The following EIF3A variants were observed in gnomAD, a reference collection of about 807,000 sequenced individuals.
The protein encoded by EIF3A is EIF3, p180 subunit.
Under a neutral mutation model 186.6 loss-of-function variants are expected in EIF3A, and 21 were observed. That is an observed-to-expected ratio of 0.11 (90% CI 0.08 to 0.16). EIF3A has a LOEUF of 0.16. Ranked by LOEUF, EIF3A falls within the 10% of genes least tolerant of loss-of-function variation. The pLI, the probability that EIF3A is intolerant of heterozygous loss-of-function variation, is 1.00. For synonymous variants in EIF3A, 563 were observed against 584.3 expected (o/e 0.96, Z 0.52); for missense variants, 1,306 against 1,796.3 (o/e 0.73, Z 4.93).
chr10:119,075,396 A>G (rs1314521893), intron 1 of EIF3A, among the ~76,000 whole-genome samples: 1 of 151,900 alleles, frequency 6.6e-6, no homozygotes, highest in Non-Finnish European at 1.5e-5. Context: ...TACCTTTGCC[A>G]TTACATTATT....
rs1848342602 is a variant in EIF3A, at chr10:119,050,516, T to G, written c.2473+5A>C. On this transcript the variant is annotated splice_donor_5th_base_variant and intron_variant, in intron 16 of 21. Transcript: ENST00000369144. Reference sequence around the variant, plus strand: ...CACCCCTCCAATCCTGTTTGACCTGTGTACCTTTTAGCATTTGTTCTTCTG... The same window carrying G: ...CACCCCTCCAATCCTGTTTGACCTGGGTACCTTTTAGCATTTGTTCTTCTG... 2 of 1,613,748 alleles carry G rather than the reference T, an allele frequency of 1.2e-6. No individual in the cohort carries two copies. Among genetic ancestry groups the G allele is most frequent in the Non-Finnish European group, 1.7e-6 (2 of 1,179,782 alleles).
At chr10:119,072,198 AAAAT>A (rs1365207723) in intron 4 of EIF3A, among the ~76,000 whole-genome samples, 35 of 147,622 alleles carry the variant, frequency 2.4e-4, no homozygotes, top group African/African-American at 8.3e-4. Flanking sequence ...TTAAAAACTA[AAAAT>A]AAATTAAAAA....
chr10:119,059,834 G>A (rs901800655), intron 9 of EIF3A, 116 bp from the exon 10 acceptor site: 34 of 727,224 alleles, frequency 4.7e-5, no homozygotes, highest in Non-Finnish European at 8.1e-5. Context: ...TATGTTAGCA[G>A]TACATTGTTA....
At chr10:119,076,540 T>C (rs1844177038) in intron 1 of EIF3A, among the ~76,000 whole-genome samples, 1 of 148,486 alleles carries the variant, frequency 6.7e-6, no homozygotes, top group Admixed American at 6.8e-5. Flanking sequence ...CTAGATATTT[T>C]GTTGAAATAA....
intron 6 of EIF3A, among the ~76,000 whole-genome samples, chr10:119,065,850 C>T (rs1488471856): frequency 9.9e-5 from 15 of 152,250 alleles, no homozygotes; most frequent in South Asian, 8.3e-4. Flanking sequence ...GGCGCGGTGG[C>T]TCACGCCTGT....
intron 9 of EIF3A, among the ~76,000 whole-genome samples, chr10:119,060,319 C>A (rs187551326): frequency 6.8e-4 from 103 of 152,244 alleles, no homozygotes; most frequent in Non-Finnish European, 1.0e-3. Context: ...AGCTTTAAAT[C>A]CATAAACCCT....
At chr10:119,051,355 C>A in intron 14 of EIF3A, 34 bp from the exon 15 acceptor site, 1 of 1,361,326 alleles carries the variant, frequency 7.3e-7, no homozygotes, top group Non-Finnish European at 9.9e-7. Context: ...TTTCAATGCA[C>A]TTTTTTTTTT....
chr10:119,039,309 G>A (rs149652498), intron 19 of EIF3A, among the ~76,000 whole-genome samples: 2 of 152,198 alleles, frequency 1.3e-5, no homozygotes, highest in South Asian at 4.2e-4. Flanking sequence ...TTTATATACA[G>A]TACATATAGA....
At chr10:119,046,568 A>T (rs750384593) in intron 17 of EIF3A, among the ~76,000 whole-genome samples, 1 of 152,242 alleles carries the variant, frequency 6.6e-6, no homozygotes, top group African/African-American at 2.4e-5. Flanking sequence ...ACTGCAATAA[A>T]ATATAAGTTA....
rs139575885 is a variant in EIF3A at position 119,057,279 on chromosome 10, G to A, written c.1978-239C>T. Among the ~76,000 whole-genome samples, 541 of 152,176 alleles carry A rather than the reference G, an allele frequency of 3.6e-3. 1 individual carries two copies. The highest frequency in any genetic ancestry group is 0.014 in the Middle Eastern group (4 of 294). On this transcript the variant is annotated intron_variant, in intron 12 of 21. Coordinates refer to ENST00000369144, the MANE Select transcript of EIF3A (RefSeq NM_003750.4). ...ATCTACCCAGACTCTACTAAATAGG[G>A]TAAGCAAACCTAATCCAAAAACCCA...
chr10:119,060,818 A>G lies in EIF3A; in HGVS notation c.1254T>C (p.Pro418=). The G allele has an allele frequency of 1.2e-6, 2 of 1,611,816 alleles. No individual in the cohort carries two copies. The highest frequency in any genetic ancestry group is 1.1e-5 in the South Asian group (1 of 90,646). Reference sequence around the variant, plus strand: ...ACTGCTGCAATTCCGGTTCCTTTTCAGGTTGTTCCCTAACCCAATTTAGAA... The same window carrying G: ...ACTGCTGCAATTCCGGTTCCTTTTCGGGTTGTTCCCTAACCCAATTTAGAA... The part of the protein sequence containing the change: ...TKVLNWVREQ[P]EKEPELQQYV... The change falls in exon 9 of 22, where the codon CCT becomes CCC. Residue 418 remains proline (P), a synonymous_variant. Coordinates refer to ENST00000369144, the MANE Select transcript of EIF3A (RefSeq NM_003750.4).
At chr10:119,080,549 C>G (rs1193996044) in intron 1 of EIF3A, 79 bp downstream of exon 1, 22 of 1,489,128 alleles carry the variant, frequency 1.5e-5, no homozygotes, top group Admixed American at 2.5e-5. Flanking sequence ...GGCGGCGGAG[C>G]AGTGGGAAGC....
intron 4 of EIF3A, 98 bp downstream of exon 4, chr10:119,072,792 A>G (rs574427172): frequency 9.3e-6 from 13 of 1,405,178 alleles, no homozygotes; most frequent in African/African-American, 1.4e-5. Context: ...CAACATTTCA[A>G]TAAGGATAAA....
At chr10:119,041,889 A>G in intron 19 of EIF3A, 105 bp downstream of exon 19, 1 of 1,247,146 alleles carries the variant, frequency 8.0e-7, no homozygotes, top group Non-Finnish European at 1.1e-6. Context: ...GAAAGATGAA[A>G]GACCAGTTTA....
At chr10:119,051,117 A>T in intron 15 of EIF3A, 82 bp downstream of exon 15, 2 of 1,232,906 alleles carry the variant, frequency 1.6e-6, no homozygotes, top group Non-Finnish European at 2.2e-6. Context: ...AATAAAGAAT[A>T]TACCAATTTG....
At chr10:119,039,069 C>T (rs918533107) in intron 19 of EIF3A, among the ~76,000 whole-genome samples, 2 of 152,220 alleles carry the variant, frequency 1.3e-5, no homozygotes, top group Non-Finnish European at 2.9e-5. Flanking sequence ...TGATGTTACA[C>T]AGATCACTCA....
At chr10:119,072,382 C>T (rs1193556152) in intron 4 of EIF3A, among the ~76,000 whole-genome samples, 5 of 151,942 alleles carry the variant, frequency 3.3e-5, no homozygotes, top group African/African-American at 1.2e-4. Context: ...AAATACAATT[C>T]ACACAAAACT....
rs868376985 is a variant in EIF3A at position 119,080,670 on chromosome 10, C to T, written c.7G>A (p.Ala3Thr). The change falls in exon 1 of 22, where the codon GCC becomes ACC. Residue 3 changes from alanine to threonine, a missense_variant. By Grantham distance (58) the Ala-to-Thr change is moderately conservative. This residue lies in a region of EIF3A where 130 missense variants were observed against 259.3 expected (regional missense o/e 0.50). Coordinates refer to ENST00000369144, the MANE Select transcript of EIF3A (RefSeq NM_003750.4). MP[A>T]YFQRPENALK... ...GCATTTTCCGGCCTCTGAAAATAGG[C>T]CGGCATCTTGGCGGCAGGCTCAGCT... is the stretch of plus-strand genomic sequence containing the variant. 3 of 1,595,866 alleles carry T rather than the reference C, an allele frequency of 1.9e-6. No individual in the cohort carries two copies. Among genetic ancestry groups the T allele is most frequent in the Admixed American group, 3.5e-5 (2 of 57,400 alleles).
intron 21 of EIF3A, 81 bp downstream of exon 21, chr10:119,037,038 T>C: frequency 1.0e-6 from 1 of 990,966 alleles, no homozygotes; most frequent in Non-Finnish European, 1.5e-6. Flanking sequence ...TACAAATTTA[T>C]GATATAATTA....
Sources: gnomAD v4.1 joint callset for allele counts (sites outside exome capture counted in the v4.1 genomes callset) on GRCh38, gnomAD v4.1.1 for gene constraint, gnomAD v4.1.1 regional missense constraint, MANE v1.5 for transcripts, NCBI Gene and HGNC (gene_info 2026-07-23, HGNC 2026-07-21) for gene names.